MYO3A: variants seen among roughly 807,000 people sequenced by gnomAD.
MYO3A encodes the protein myosin IIIA.
A neutral mutation model predicts 192.7 loss-of-function variants in MYO3A; 180 were observed. The observed-to-expected ratio is 0.93, with a 90% CI of 0.83 to 1.06. MYO3A has a LOEUF of 1.06. Ranked by LOEUF, MYO3A falls within the 50% of genes least tolerant of loss-of-function variation. The probability of loss-of-function intolerance (pLI) is 0.00; values close to 1 mark genes in which losing one functional copy is unlikely to be tolerated. For synonymous variants in MYO3A, 628 were observed against 645.3 expected (o/e 0.97, Z 0.41); for missense variants, 1,896 against 1,905.0 (o/e 1.00, Z 0.09).
intron 34 of MYO3A, 122 bp from the exon 35 acceptor site, chr10:26,211,721 T>A: frequency 1.4e-4 from 202 of 1,442,006 alleles, no homozygotes; most frequent in Non-Finnish European, 1.7e-4. Flanking sequence ...CGATTGTGCC[T>A]TTCCTAAATG....
In MYO3A at chr10:25,972,838, T is replaced by C. The variant is rs148300798; in HGVS notation, c.303+17830T>C. On this transcript the variant is annotated intron_variant, in intron 4 of 34. Coordinates refer to ENST00000642920, the MANE Select transcript of MYO3A (RefSeq NM_017433.5). Reference sequence around the variant, plus strand: ...TTATTAGGCTCCACTAATTGTCAGCTGATTCCTCTGTTGTTTCCAGCAGTG... The same window carrying C: ...TTATTAGGCTCCACTAATTGTCAGCCGATTCCTCTGTTGTTTCCAGCAGTG... 5.4e-4 allele frequency among the ~76,000 whole-genome samples: 82 copies of C among 152,318 alleles called. No homozygotes were observed. In the East Asian group the frequency reaches 0.014, roughly 25 times the overall value.
At chr10:26,030,742 T>TA (rs1229663455) in intron 10 of MYO3A, among the ~76,000 whole-genome samples, 1 of 152,230 alleles carries the variant, frequency 6.6e-6, no homozygotes, top group Admixed American at 6.5e-5. Context: ...TATAATTTTT[T>TA]AAAAATTAAA....
intron 21 of MYO3A, among the ~76,000 whole-genome samples, chr10:26,144,454 C>G (rs1264478808): frequency 6.6e-6 from 1 of 151,336 alleles, no homozygotes; most frequent in Non-Finnish European, 1.5e-5. Context: ...TTGGACAATA[C>G]TAGATGGAAA....
intron 24 of MYO3A, 22 bp from the exon 25 acceptor site, chr10:26,154,724 C>T: frequency 1.2e-6 from 2 of 1,603,376 alleles, no homozygotes; most frequent in East Asian, 2.2e-5. Flanking sequence ...CAAGGCATCA[C>T]TGTCTTCCTT....
chr10:26,091,740 A>G (rs1030640608), intron 15 of MYO3A, among the ~76,000 whole-genome samples: 1 of 152,232 alleles, frequency 6.6e-6, no homozygotes, highest in Non-Finnish European at 1.5e-5. Flanking sequence ...TAAAAGTGAG[A>G]AACTAAGAGA....
chr10:26,195,221 A>C (rs1207763901), intron 32 of MYO3A, among the ~76,000 whole-genome samples: 1 of 152,200 alleles, frequency 6.6e-6, no homozygotes, highest in Non-Finnish European at 1.5e-5. Flanking sequence ...AACTAATTTT[A>C]CAAACCAGTA....
At chr10:26,126,969 G>A (rs1387867966) in intron 19 of MYO3A, among the ~76,000 whole-genome samples, 11 of 152,048 alleles carry the variant, frequency 7.2e-5, no homozygotes, top group Admixed American at 6.6e-4. Flanking sequence ...GACTTTAAAC[G>A]GTATATGTTG....
intron 4 of MYO3A, among the ~76,000 whole-genome samples, chr10:25,995,267 G>A (rs190366116): frequency 5.9e-5 from 9 of 151,984 alleles, no homozygotes; most frequent in Non-Finnish European, 1.2e-4. Flanking sequence ...ATCTTCAATC[G>A]CTGATACCCT....
At chr10:25,936,323 GATAA>G (rs1345022121) in intron 2 of MYO3A, among the ~76,000 whole-genome samples, 4 of 151,856 alleles carry the variant, frequency 2.6e-5, no homozygotes, top group African/African-American at 9.7e-5. Flanking sequence ...AAGTGGTTTT[GATAA>G]ATAAATATTT....
chr10:25,955,127 G>A, intron 4 of MYO3A, 119 bp downstream of exon 4: 1 of 1,419,142 alleles, frequency 7.0e-7, no homozygotes. Flanking sequence ...TTCCTGACCA[G>A]CCATGAATGT....
chr10:26,074,951 T>G (rs1359083921), intron 14 of MYO3A, among the ~76,000 whole-genome samples: 1 of 152,076 alleles, frequency 6.6e-6, no homozygotes, highest in African/African-American at 2.4e-5. Context: ...TTTCATTATT[T>G]TGTGTGTGTA....
chr10:25,997,010 T>C, intron 5 of MYO3A, 149 bp from the exon 6 acceptor site: 2 of 650,476 alleles, frequency 3.1e-6, no homozygotes, highest in Non-Finnish European at 5.5e-6. Flanking sequence ...TGATGTTCTT[T>C]GATGTGACTA....
intron 10 of MYO3A, among the ~76,000 whole-genome samples, chr10:26,039,432 G>A (rs1270519486): frequency 6.6e-6 from 1 of 151,886 alleles, no homozygotes; most frequent in Non-Finnish European, 1.5e-5. Context: ...TCTTTCTCCT[G>A]TACTTTTCAG....
intron 34 of MYO3A, among the ~76,000 whole-genome samples, chr10:26,208,663 C>G (rs1844086976): frequency 6.6e-6 from 1 of 152,216 alleles, no homozygotes; most frequent in South Asian, 2.1e-4. Context: ...CAATACCCAT[C>G]ATGATGCTAC....
intron 17 of MYO3A, among the ~76,000 whole-genome samples, chr10:26,118,785 C>A (rs1299053617): frequency 6.6e-6 from 1 of 152,050 alleles, no homozygotes; most frequent in Non-Finnish European, 1.5e-5. Flanking sequence ...GTGCACACCA[C>A]CACGCCCCGC....
chr10:26,099,445 A>G (rs947475517), intron 17 of MYO3A, among the ~76,000 whole-genome samples: 36 of 152,248 alleles, frequency 2.4e-4, no homozygotes, highest in African/African-American at 8.2e-4. Flanking sequence ...TTCCAACACT[A>G]TGTTGAATAG....
chr10:26,080,251 T>A (rs181605277), intron 14 of MYO3A, among the ~76,000 whole-genome samples: 1 of 152,266 alleles, frequency 6.6e-6, no homozygotes, highest in African/African-American at 2.4e-5. Context: ...CTTTGTTGGA[T>A]TAGGTTAATT....
chr10:25,954,951 T>C lies in MYO3A; in HGVS notation c.246T>C (p.Tyr82=), dbSNP rs777070642. The C allele has an allele frequency of 3.1e-6, 5 of 1,612,730 alleles. No individual in the cohort carries two copies. The highest frequency in any genetic ancestry group is 2.7e-5 in the African/African-American group (2 of 74,874). Residue 82 remains tyrosine (Y), a synonymous_variant, in exon 4 of 35, where the codon TAT becomes TAC. Transcript: ENST00000642920. ...LSDHPNVVRF[Y]GIYFKKDKVN... is the part of the protein sequence containing the mutation. ...ACCACCCTAATGTGGTCAGATTCTATGGGATATACTTTAAGAAGGATAAAG... is the reference window on the plus strand; with the variant it reads ...ACCACCCTAATGTGGTCAGATTCTACGGGATATACTTTAAGAAGGATAAAG...
At chr10:26,099,611 T>G (rs1268936256) in intron 17 of MYO3A, among the ~76,000 whole-genome samples, 1 of 152,258 alleles carries the variant, frequency 6.6e-6, no homozygotes, top group African/African-American at 2.4e-5. Context: ...TTGAGAGTTT[T>G]TAGCCTGAAG....
Sources: gnomAD v4.1 joint callset for allele counts (sites outside exome capture counted in the v4.1 genomes callset) on GRCh38, gnomAD v4.1.1 for gene constraint, MANE v1.5 for transcripts, NCBI Gene and HGNC (gene_info 2026-07-23, HGNC 2026-07-21) for gene names.